Variants in IL27RA observed in about 807,000 individuals in gnomAD.
IL27RA encodes interleukin 27 receptor subunit alpha.
Under a neutral mutation model 80.8 loss-of-function variants are expected in IL27RA, and 61 were observed. The ratio of observed to expected loss-of-function variants is 0.76; its 90% CI spans 0.61 to 0.93. The LOEUF (loss-of-function observed/expected upper bound fraction) is 0.93. Among genes scored for constraint, IL27RA ranks in the 40% least tolerant of loss-of-function variants. IL27RA has a pLI of 0.00. For synonymous variants in IL27RA, 316 were observed against 332.5 expected, an observed-to-expected ratio of 0.95 and a Z score of 0.54; for missense variants, 735 against 808.1, an observed-to-expected ratio of 0.91 and a Z score of 1.10.
chr19:14,042,188 A>ATT (rs1239424321), intron 4 of IL27RA, among the ~76,000 whole-genome samples: 1 of 141,316 alleles, frequency 7.1e-6, no homozygotes, highest in Non-Finnish European at 1.5e-5. Context: ...ACAGAGCAAG[A>ATT]CTCTGCCTCA....
At chr19:14,037,470 G>A (rs1404922580) in intron 2 of IL27RA, among the ~76,000 whole-genome samples, 1 of 150,784 alleles carries the variant, frequency 6.6e-6, no homozygotes, top group Non-Finnish European at 1.5e-5. Context: ...GTCCAGGCTG[G>A]TCTCCAACTC....
Position 14,049,100 on chromosome 19 carries a change from G to C in IL27RA, c.1243+18G>C, listed in dbSNP as rs778485235. 11 of 1,612,800 alleles carry C rather than the reference G, an allele frequency of 6.8e-6. No homozygotes were observed. The highest frequency in any genetic ancestry group is 9.3e-6 in the Non-Finnish European group (11 of 1,179,268). On this transcript the variant is annotated intron_variant, in intron 9 of 13. Coordinates refer to ENST00000263379, the MANE Select transcript of IL27RA (RefSeq NM_004843.4). ...GGAATTAGGTAAGAGTGGGGCTGGA[G>C]GATGGGGGGGCTTCTGTAACCCAGG... is the stretch of plus-strand genomic sequence containing the variant.
chr19:14,034,914 C>G (rs1975876593), intron 2 of IL27RA, among the ~76,000 whole-genome samples: 1 of 151,238 alleles, frequency 6.6e-6, no homozygotes, highest in Non-Finnish European at 1.5e-5. Context: ...GATCGCGCCA[C>G]TGCACTCCAG....
rs1976171302 is a variant in IL27RA, at chr19:14,051,863, T to G, written c.1623-17T>G. 6.4e-7 allele frequency: 1 copy of G among 1,567,168 alleles called. No individual in the cohort carries two copies. Among genetic ancestry groups the G allele is most frequent in the East Asian group, 2.3e-5 (1 of 42,872 alleles). On this transcript the variant is annotated splice_polypyrimidine_tract_variant and intron_variant, in intron 12 of 13. Coordinates refer to ENST00000263379, the MANE Select transcript of IL27RA (RefSeq NM_004843.4). ...GGCCATCTGGATCTGCTGCCCTGAC[T>G]ACTCCTGTCTTGCCAGGTGCTACCA...
rs773431751 is a variant in IL27RA, at chr19:14,046,264, G to A, written c.879G>A (p.Ala293=). ...TCCCSLIPSG[A]EWARVSAVNA... ...GCTGCTCCCTAATTCCCAGTGGGGC[G>A]GAGTGGGCCAGGGTGTCCGCTGTCA... Residue 293 remains alanine, a synonymous_variant, in exon 7 of 14, where the codon GCG becomes GCA. Coordinates refer to ENST00000263379, the MANE Select transcript of IL27RA (RefSeq NM_004843.4). The A allele has an allele frequency of 1.7e-5, 28 of 1,614,034 alleles. No homozygotes were observed. Among genetic ancestry groups the A allele is most frequent in the Middle Eastern group, 1.6e-4 (1 of 6,084 alleles).
In IL27RA at chr19:14,042,602, A is replaced by G. The variant is rs200751378; in HGVS notation, c.684A>G (p.Thr228=). Residue 228 remains threonine, a synonymous_variant, in exon 5 of 14, where the codon ACA becomes ACG. Coordinates refer to ENST00000263379, the MANE Select transcript of IL27RA (RefSeq NM_004843.4). ...GEWSPILSFQ[T]PPSAPKDVWV... is the part of the protein sequence containing the mutation. ...GGAGCCCCATTTTGTCCTTCCAGACACCGCCTTCTGGTGAGGATATCTGGG... is the reference window on the plus strand; with the variant it reads ...GGAGCCCCATTTTGTCCTTCCAGACGCCGCCTTCTGGTGAGGATATCTGGG... 21 of 1,613,960 alleles carry G rather than the reference A, an allele frequency of 1.3e-5. No individual in the cohort carries two copies. In the Admixed American group the frequency reaches 2.3e-4, roughly 18 times the overall value.
chr19:14,044,343 G>A (rs1976033054), intron 6 of IL27RA, among the ~76,000 whole-genome samples: 1 of 151,876 alleles, frequency 6.6e-6, no homozygotes, highest in Admixed American at 6.6e-5. Context: ...GGGTTCAAGC[G>A]ATTCTCCTGC....
intron 4 of IL27RA, among the ~76,000 whole-genome samples, chr19:14,040,537 C>G (rs929541683): frequency 6.6e-6 from 1 of 151,626 alleles, no homozygotes; most frequent in Non-Finnish European, 1.5e-5. Flanking sequence ...AAAAAATAAT[C>G]TGACCAGGTG....
intron 1 of IL27RA, among the ~76,000 whole-genome samples, 161 bp downstream of exon 1, chr19:14,032,133 G>A (rs2145683341): frequency 6.6e-6 from 1 of 152,310 alleles, no homozygotes; most frequent in East Asian, 1.9e-4. Flanking sequence ...TGGGGAATGG[G>A]CGGCAGCGAG....
chr19:14,046,291 C>T lies in IL27RA; in HGVS notation c.906C>T (p.Asn302=), dbSNP rs765798453. The T allele has an allele frequency of 7.4e-6, 12 of 1,613,950 alleles. No individual in the cohort carries two copies. The highest frequency in any genetic ancestry group is 2.7e-5 in the African/African-American group (2 of 74,914). The change falls in exon 7 of 14, where the codon AAC becomes AAT. Residue 302 remains asparagine, a synonymous_variant. Transcript: ENST00000263379. ...GAEWARVSAV[N]ATSWEPLTNL... ...AGTGGGCCAGGGTGTCCGCTGTCAA[C>T]GCCACAAGCTGGGAGCCTCTCACCA...
At chr19:14,049,464 T>C in intron 10 of IL27RA, 150 bp downstream of exon 10, 1 of 667,724 alleles carries the variant, frequency 1.5e-6, no homozygotes, top group Non-Finnish European at 2.3e-6. Context: ...TGTAACGAGC[T>C]TTCATTCGGC....
chr19:14,036,613 C>G (rs1030433153), intron 2 of IL27RA, among the ~76,000 whole-genome samples: 2 of 149,376 alleles, frequency 1.3e-5, no homozygotes, highest in African/African-American at 2.5e-5. Context: ...CTCAGCCTCC[C>G]GAGTAGCTGA....
chr19:14,047,242 G>T (rs1028896314), intron 8 of IL27RA, among the ~76,000 whole-genome samples: 5 of 150,228 alleles, frequency 3.3e-5, no homozygotes, highest in Admixed American at 2.7e-4. Context: ...TAGAGACGGG[G>T]TTTCACCATG....
chr19:14,047,421 C>G (rs1475896047), intron 8 of IL27RA, among the ~76,000 whole-genome samples: 1 of 146,694 alleles, frequency 6.8e-6, no homozygotes, highest in South Asian at 2.2e-4. Context: ...ATGGTGTGAT[C>G]TCAGCTCACT....
Position 14,041,436 on chromosome 19 carries a change from G to A in IL27RA, c.535-1017G>A, listed in dbSNP as rs556636658. ...GGCTGGTCTCGAACTCCTGACCTCA[G>A]GTGATCCACCCACCTCCACCTCCTA... On this transcript the variant is annotated intron_variant, in intron 4 of 13. Coordinates refer to ENST00000263379, the MANE Select transcript of IL27RA (RefSeq NM_004843.4). Among the ~76,000 whole-genome samples, 6 of 152,086 alleles carry A rather than the reference G, an allele frequency of 3.9e-5. No individual in the cohort carries two copies. In the South Asian group the frequency reaches 1.2e-3, roughly 32 times the overall value.
intron 13 of IL27RA, 36 bp downstream of exon 13, chr19:14,052,009 G>T: frequency 6.4e-7 from 1 of 1,571,128 alleles, no homozygotes; most frequent in East Asian, 2.3e-5. Context: ...AGCCCTCTGG[G>T]GGACTGGGGA....
intron 8 of IL27RA, among the ~76,000 whole-genome samples, chr19:14,047,834 T>G (rs1024782674): frequency 1.2e-4 from 18 of 150,904 alleles, no homozygotes; most frequent in Middle Eastern, 3.4e-3. Context: ...TTTTTTTTTT[T>G]TGTATTTTTA....
At position 14,039,765 on chromosome 19, in the gene IL27RA, C is replaced by A; in HGVS notation, c.389C>A (p.Ala130Asp). Residue 130 changes from alanine to aspartate, a missense_variant, in exon 4 of 14, where the codon GCC (alanine) becomes GAC (aspartate). Ala to Asp is a moderately radical substitution (Grantham distance 126). Coordinates refer to ENST00000263379, the MANE Select transcript of IL27RA (RefSeq NM_004843.4). ...VNLETQMKPN[A>D]PRLGPDVDFS... Reference sequence around the variant, plus strand: ...TCCCCTTCCCCAGTGAAGCCAAACGCCCCCCGGCTGGGCCCTGACGTGGAC... The same window carrying A: ...TCCCCTTCCCCAGTGAAGCCAAACGACCCCCGGCTGGGCCCTGACGTGGAC... 3 of 1,613,630 alleles carry A rather than the reference C, an allele frequency of 1.9e-6. No homozygotes were observed. The highest frequency in any genetic ancestry group is 2.5e-6 in the Non-Finnish European group (3 of 1,179,772).
intron 4 of IL27RA, 73 bp downstream of exon 4, chr19:14,039,983 C>G: frequency 6.8e-7 from 1 of 1,474,996 alleles, no homozygotes. Flanking sequence ...AATCTGAGAC[C>G]CAGCCCAGGA....
Sources: gnomAD v4.1 joint callset for allele counts (sites outside exome capture counted in the v4.1 genomes callset) on GRCh38, gnomAD v4.1.1 for gene constraint, MANE v1.5 for transcripts, NCBI Gene and HGNC (gene_info 2026-07-23, HGNC 2026-07-21) for gene names.